The following HMCN2 variants were observed in gnomAD, a reference collection of about 807,000 sequenced individuals.
HMCN2 encodes the protein hemicentin 2.
Under a neutral mutation model 377.5 loss-of-function variants are expected in HMCN2, and 325 were observed. The observed-to-expected ratio is 0.86, with a 90% confidence interval of 0.79 to 0.94. HMCN2 has a LOEUF of 0.94. Ranked by LOEUF, HMCN2 falls within the 40% of genes least tolerant of loss-of-function variation. The pLI, the probability that HMCN2 is intolerant of heterozygous loss-of-function variation, is 0.00. For missense variants in HMCN2, 4,543 were observed against 4,725.3 expected (o/e 0.96, Z 1.13); for synonymous variants, 2,007 against 2,046.8 (o/e 0.98, Z 0.53).
rs1300704630 is a variant in HMCN2, at chr9:130,353,170, G to A, written c.4829G>A (p.Gly1610Glu). 7.7e-7 allele frequency: 1 copy of A among 1,304,000 alleles called. No homozygotes were observed. The highest frequency in any genetic ancestry group is 1.0e-6 in the Non-Finnish European group (1 of 988,860). 80.8% of individuals were successfully genotyped at this position (1,304,000 alleles called of 1,614,324 possible). Residue 1610 changes from glycine to glutamate, a missense_variant, in exon 31 of 98, where the codon GGG (glycine) becomes GAG (glutamate). This residue lies in a region of HMCN2 where 1,032 missense variants were observed against 1,285.1 expected (regional missense o/e 0.80). Coordinates refer to ENST00000683500, the MANE Select transcript of HMCN2 (RefSeq NM_001291815.2). ...ACCTGCAAGGCCAGCAATGCTGTGG[G>A]GGCCGCAGAGAAGGCCACCAGGCTG... ...VYTCKASNAVGAAEKATRLDV... is the reference protein window; with the variant it reads ...VYTCKASNAVEAAEKATRLDV...
intron 37 of HMCN2, among the ~76,000 whole-genome samples, chr9:130,359,729 G>T (rs1588306409): frequency 6.6e-6 from 1 of 152,124 alleles, no homozygotes; most frequent in South Asian, 2.1e-4. Context: ...CTCCCCTCTA[G>T]ACCAGAAGTG....
At chr9:130,407,502 G>T (rs1843160276) in intron 82 of HMCN2, 69 bp from the exon 83 acceptor site, 6 of 1,239,124 alleles carry the variant, frequency 4.8e-6, no homozygotes, top group Non-Finnish European at 6.3e-6. Context: ...GTTCCTGCAG[G>T]TACCCAGGCA....
chr9:130,277,694 TCACCACCACCACCATCATCATCAC>T (rs1564739119), intron 1 of HMCN2, among the ~76,000 whole-genome samples: 15 of 149,040 alleles, frequency 1.0e-4, no homozygotes, highest in Admixed American at 2.7e-4. Flanking sequence ...ACCATCATCA[TCACCACCACCACCATCATCATCAC>T]CACCACCACC....
rs1844664444 is a variant in HMCN2, at chr9:130,430,372, C to T, written c.14415C>T (p.Gly4805=). Residue 4805 remains glycine, a synonymous_variant, in exon 95 of 98, where the codon GGC becomes GGT. Transcript: ENST00000683500. ...GCTACCGCTGCCTGTGCCCCCCAGG[C>T]CAGACCCTCCTTCGCGACGGCAAGG... ...QGSYRCLCPP[G]QTLLRDGKAC... 6.5e-7 allele frequency: 1 copy of T among 1,549,856 alleles called. No homozygotes were observed. Among genetic ancestry groups the T allele is most frequent in the Non-Finnish European group, 8.7e-7 (1 of 1,146,964 alleles).
intron 39 of HMCN2, among the ~76,000 whole-genome samples, chr9:130,362,496 C>T (rs1840440268): frequency 6.6e-6 from 1 of 152,372 alleles, no homozygotes; most frequent in South Asian, 2.1e-4. Flanking sequence ...GGGATCAATA[C>T]AAAATAATTA....
chr9:130,351,380 C>T lies in HMCN2; in HGVS notation c.4431-43C>T, dbSNP rs76052672. ...CCTGTGTGCAGCGTGTCCCATCCAG[C>T]CCCTCGGCCTTACTGGCGCTTTTCC... is the stretch of plus-strand genomic sequence containing the variant. On this transcript the variant is annotated intron_variant, in intron 29 of 97. Transcript: ENST00000683500. The surrounding 1 kb of genome is among the most constrained non-coding windows in gnomAD (Gnocchi z 5.4). The T allele has an allele frequency of 2.5e-4, 321 of 1,276,972 alleles. 5 individuals carry two copies. In the East Asian group the frequency reaches 0.017, roughly 70 times the overall value. 79.1% of individuals were successfully genotyped at this position (1,276,972 alleles called of 1,614,324 possible). A position where few individuals can be genotyped will look rare whatever the true frequency, so the allele number is the denominator to read the frequency against.
chr9:130,411,563 G>A (rs57819625), intron 85 of HMCN2, among the ~76,000 whole-genome samples: 5,491 of 133,228 alleles, frequency 0.041, 228 homozygotes, highest in African/African-American at 0.11. Flanking sequence ...TCGTGCCATC[G>A]CACTCCAGCC....
At position 130,303,029 on chromosome 9, in the gene HMCN2, C is replaced by T; in HGVS notation, c.1421+28C>T. 2.2e-6 allele frequency: 1 copy of T among 455,300 alleles called. No homozygotes were observed. The highest frequency in any genetic ancestry group is 4.6e-6 in the Non-Finnish European group (1 of 218,530). The allele number at this position is 455,300 out of a possible 1,614,324, so 28.2% of individuals were successfully genotyped here. ...GAGTGGCCCACGGCAGCTGATTGTC[C>T]CCAGCCACAGGGCTCCTGGCTGCTG... On this transcript the variant is annotated intron_variant, in intron 9 of 97. Transcript: ENST00000683500. This position sits in a 1 kb window ranked among gnomAD's most constrained non-coding sequence, Gnocchi z 5.2.
At chr9:130,430,844 C>T (rs1176664149) in intron 95 of HMCN2, 1 of 540,004 alleles carries the variant, frequency 1.9e-6, no homozygotes, top group Non-Finnish European at 3.2e-6. Context: ...GACTTCAGGA[C>T]ACTTTGCCCA....
At chr9:130,289,634 G>A (rs1835631307) in intron 4 of HMCN2, among the ~76,000 whole-genome samples, 1 of 152,126 alleles carries the variant, frequency 6.6e-6, no homozygotes, top group African/African-American at 2.4e-5. Context: ...GGAAGCCCTT[G>A]GTAAGAGTTC....
In HMCN2 at chr9:130,391,068, G is replaced by A; in HGVS notation, c.9615G>A (p.Val3205=). The change falls in exon 63 of 98, where the codon GTG becomes GTA. Residue 3205 remains valine (V), a synonymous_variant. Coordinates refer to ENST00000683500, the MANE Select transcript of HMCN2 (RefSeq NM_001291815.2). ...QPAQAGTYTC[V]AENTQAEARK... ...CCCAGGCGGGCACCTACACGTGCGT[G>A]GCTGAGAACACCCAGGCTGAGGCCC... 1 of 987,976 alleles carries A rather than the reference G, an allele frequency of 1.0e-6. No homozygotes were observed. The highest frequency in any genetic ancestry group is 1.2e-6 in the Non-Finnish European group (1 of 830,362). 61.2% of individuals were successfully genotyped at this position (987,976 alleles called of 1,614,324 possible). A position where few individuals can be genotyped will look rare whatever the true frequency, so the allele number is the denominator to read the frequency against.
intron 15 of HMCN2, among the ~76,000 whole-genome samples, chr9:130,317,506 T>TCTCTCTC (rs1837626816): frequency 5.1e-5 from 7 of 138,004 alleles, no homozygotes; most frequent in Non-Finnish European, 9.6e-5. Context: ...TCTCTCTCTC[T>TCTCTCTC]TTTTTGTAGA....
chr9:130,354,338 G>T lies in HMCN2; in HGVS notation c.4865-425G>T, dbSNP rs147333138. The stretch of plus-strand genomic sequence containing the variant: ...GGAGCCCCCCAATCCAAGCCATCTG[G>T]GCTCAGGTCTGCCCCAGTCTTCTGC... On this transcript the variant is annotated intron_variant, in intron 31 of 97. Transcript: ENST00000683500. Among the ~76,000 whole-genome samples, 353 of 152,274 alleles carry T rather than the reference G, an allele frequency of 2.3e-3. 1 individual carries two copies. Among genetic ancestry groups the T allele is most frequent in the African/African-American group, 8.3e-3 (344 of 41,558 alleles).
At chr9:130,356,027 C>G in intron 33 of HMCN2, 61 bp from the exon 34 acceptor site, 1 of 1,111,820 alleles carries the variant, frequency 9.0e-7, no homozygotes, top group African/African-American at 1.6e-5. Flanking sequence ...TCCTGCTTGT[C>G]CTGCCTGGCC....
In HMCN2 at chr9:130,427,336, G is replaced by A. The variant is rs755110693; in HGVS notation, c.13903G>A (p.Glu4635Lys). The change falls in exon 91 of 98, where the codon GAG becomes AAG. Residue 4635 changes from glutamate to lysine, a missense_variant. Coordinates refer to ENST00000683500, the MANE Select transcript of HMCN2 (RefSeq NM_001291815.2). Reference sequence around the variant, plus strand: ...AGAGGAGAACGAGGTCGGCTGCCCCGAGGGCTTTGAGCTGGACTCCCAGGG... The same window carrying A: ...AGAGGAGAACGAGGTCGGCTGCCCCAAGGGCTTTGAGCTGGACTCCCAGGG... ...QAEENEVGCP[E>K]GFELDSQGAF... 1.2e-5 allele frequency: 19 copies of A among 1,550,454 alleles called. 1 individual carries two copies. Among genetic ancestry groups the A allele is most frequent in the African/African-American group, 5.5e-5 (4 of 73,052 alleles).
chr9:130,370,614 T>C (rs1011651494), intron 45 of HMCN2, among the ~76,000 whole-genome samples: 1 of 152,238 alleles, frequency 6.6e-6, no homozygotes, highest in African/African-American at 2.4e-5. Flanking sequence ...GGGAAGCACA[T>C]CTGGCTTCGC....
In HMCN2 at chr9:130,427,330, T is replaced by C. The variant is rs1226341130; in HGVS notation, c.13897T>C (p.Cys4633Arg). The change falls in exon 91 of 98, where the codon TGC becomes CGC. Residue 4633 changes from cysteine (C) to arginine (R), a missense_variant. This residue lies in a region of HMCN2 where 1,155 missense variants were observed against 1,157.7 expected (regional missense o/e 1.00). Transcript: ENST00000683500. ...ALQAEENEVG[C>R]PEGFELDSQG... is the part of the protein sequence containing the mutation. Reference sequence around the variant, plus strand: ...CTTTGCAGAGGAGAACGAGGTCGGCTGCCCCGAGGGCTTTGAGCTGGACTC... The same window carrying C: ...CTTTGCAGAGGAGAACGAGGTCGGCCGCCCCGAGGGCTTTGAGCTGGACTC... The C allele has an allele frequency of 1.3e-6, 2 of 1,550,584 alleles. No individual in the cohort carries two copies. The highest frequency in any genetic ancestry group is 8.7e-7 in the Non-Finnish European group (1 of 1,146,994).
At chr9:130,273,384 T>G (rs1014297283) in intron 1 of HMCN2, among the ~76,000 whole-genome samples, 3 of 152,236 alleles carry the variant, frequency 2.0e-5, no homozygotes, top group Non-Finnish European at 4.4e-5. Context: ...ATTATAATAC[T>G]GTCGCTTCTT....
At chr9:130,349,486 G>C (rs1291404719) in intron 28 of HMCN2, 51 bp from the exon 29 acceptor site, 1 of 1,291,154 alleles carries the variant, frequency 7.7e-7, no homozygotes, top group East Asian at 5.6e-5. Context: ...TGGTAGGCGG[G>C]GCTTGCAGGG....
Sources: allele counts gnomAD v4.1 joint callset (sites outside exome capture counted in the v4.1 genomes callset), GRCh38; gene constraint gnomAD v4.1.1; regional missense constraint gnomAD v4.1.1; non-coding constraint Gnocchi (gnomAD v3.1); transcripts MANE v1.5; gene names NCBI Gene and HGNC (gene_info 2026-07-23, HGNC 2026-07-21).